The following NXPH2 variants were observed in gnomAD, a reference collection of about 807,000 sequenced individuals.
NXPH2 encodes neurexophilin 2, also known as neurexophilin-2.
Under a neutral mutation model 19.8 loss-of-function variants are expected in NXPH2, and 5 were observed. The ratio of observed to expected loss-of-function variants is 0.25; its 90% CI spans 0.13 to 0.53. The LOEUF (loss-of-function observed/expected upper bound fraction) is 0.53. Ranked by LOEUF, NXPH2 falls within the 20% of genes least tolerant of loss-of-function variation. The pLI is 0.96. For synonymous variants in NXPH2, 154 were observed against 127.4 expected (o/e 1.21, Z -1.41); for missense variants, 289 against 322.8 (o/e 0.90, Z 0.80).
At chr2:138,772,104 C>T (rs754787794) in intron 1 of NXPH2, among the ~76,000 whole-genome samples, 1 of 152,008 alleles carries the variant, frequency 6.6e-6, no homozygotes, top group Non-Finnish European at 1.5e-5. Context: ...TTTAGCAGCC[C>T]GTGAACCCAC....
intron 1 of NXPH2, among the ~76,000 whole-genome samples, chr2:138,707,112 A>AAAAAC (rs1253153546): frequency 6.7e-6 from 1 of 148,610 alleles, no homozygotes. Context: ...AAAAAAAAAA[A>AAAAAC]GAGCAAGAAG....
intron 1 of NXPH2, among the ~76,000 whole-genome samples, chr2:138,741,972 T>C (rs1681650155): frequency 6.6e-6 from 1 of 152,218 alleles, no homozygotes; most frequent in African/African-American, 2.4e-5. Flanking sequence ...AAATTGAGCA[T>C]ATTGCTCTCT....
chr2:138,724,353 A>G (rs554730082), intron 1 of NXPH2, among the ~76,000 whole-genome samples: 2 of 152,370 alleles, frequency 1.3e-5, no homozygotes, highest in South Asian at 2.1e-4. Flanking sequence ...TCTGCCAATC[A>G]GTATCATGTC....
At position 138,679,916 on chromosome 2, in the gene NXPH2, T is replaced by C. The variant is rs72986856; in HGVS notation, c.52-8251A>G. On this transcript the variant is annotated intron_variant, in intron 1 of 1. Coordinates refer to ENST00000272641, the MANE Select transcript of NXPH2 (RefSeq NM_007226.3). ...ATTCTAACATTGTACTGGCTAATCA[T>C]TGGACTGAGAAGAAAAAGTGGAGTG... Among the ~76,000 whole-genome samples the C allele has an allele frequency of 3.5e-3, 533 of 152,256 alleles. 3 individuals carry two copies. The highest frequency in any genetic ancestry group is 8.6e-3 in the African/African-American group (359 of 41,540).
intron 1 of NXPH2, among the ~76,000 whole-genome samples, chr2:138,678,983 C>T (rs1484893486): frequency 1.3e-5 from 2 of 152,072 alleles, no homozygotes; most frequent in Non-Finnish European, 2.9e-5. Context: ...GACACAAACG[C>T]TACTTGGTTT....
intron 1 of NXPH2, among the ~76,000 whole-genome samples, chr2:138,739,854 G>A (rs1681615969): frequency 6.6e-6 from 1 of 152,108 alleles, no homozygotes; most frequent in African/African-American, 2.4e-5. Flanking sequence ...GCATTGTACA[G>A]AATGAATTAA....
intron 1 of NXPH2, among the ~76,000 whole-genome samples, chr2:138,724,416 G>T (rs1681326289): frequency 6.6e-6 from 1 of 152,222 alleles, no homozygotes; most frequent in Admixed American, 6.5e-5. Flanking sequence ...ACTCAGGTCT[G>T]ATCACCAAAC....
At chr2:138,685,988 T>C (rs1680644940) in intron 1 of NXPH2, among the ~76,000 whole-genome samples, 1 of 152,322 alleles carries the variant, frequency 6.6e-6, no homozygotes, top group Admixed American at 6.5e-5. Context: ...GCCCCTCTTA[T>C]GATGTCTGAT....
At chr2:138,774,075 C>A (rs578239159) in intron 1 of NXPH2, among the ~76,000 whole-genome samples, 14 of 152,286 alleles carry the variant, frequency 9.2e-5, no homozygotes, top group Admixed American at 6.5e-5. Context: ...TATTCAGGCA[C>A]ACAAAAGTCA....
chr2:138,673,388 A>T (rs1366040837), intron 1 of NXPH2, among the ~76,000 whole-genome samples: 1 of 152,160 alleles, frequency 6.6e-6, no homozygotes, highest in Non-Finnish European at 1.5e-5. Context: ...TCTTATTGGT[A>T]TATAATATTT....
intron 1 of NXPH2, among the ~76,000 whole-genome samples, chr2:138,691,889 C>T (rs1398253573): frequency 6.6e-6 from 1 of 152,184 alleles, no homozygotes; most frequent in Non-Finnish European, 1.5e-5. Context: ...AACCAGCCAA[C>T]TAAGCCCTAT....
intron 1 of NXPH2, among the ~76,000 whole-genome samples, chr2:138,754,096 A>G (rs1681865345): frequency 6.6e-6 from 1 of 151,998 alleles, no homozygotes; most frequent in African/African-American, 2.4e-5. Context: ...AGCCTCCCAA[A>G]TACCTGGGAC....
chr2:138,760,552 G>C (rs1681994817), intron 1 of NXPH2, among the ~76,000 whole-genome samples: 1 of 152,184 alleles, frequency 6.6e-6, no homozygotes, highest in Admixed American at 6.5e-5. Flanking sequence ...AACGTGTGTA[G>C]AGGATTTTCT....
At chr2:138,683,511 C>T (rs568207868) in intron 1 of NXPH2, among the ~76,000 whole-genome samples, 9 of 152,058 alleles carry the variant, frequency 5.9e-5, no homozygotes, top group Admixed American at 2.0e-4. Context: ...AAGACACACG[C>T]GGTGTGGGTT....
At chr2:138,697,121 T>G (rs1680840087) in intron 1 of NXPH2, among the ~76,000 whole-genome samples, 1 of 152,134 alleles carries the variant, frequency 6.6e-6, no homozygotes, top group Non-Finnish European at 1.5e-5. Context: ...AACTCTAGAA[T>G]AGGCAAAACT....
chr2:138,729,820 T>A (rs991423127), intron 1 of NXPH2, among the ~76,000 whole-genome samples: 2 of 152,226 alleles, frequency 1.3e-5, no homozygotes, highest in African/African-American at 2.4e-5. Flanking sequence ...TAAGGGCTTA[T>A]GACTCCCGTT....
chr2:138,778,240 G>A (rs1682296529), intron 1 of NXPH2, among the ~76,000 whole-genome samples: 1 of 152,200 alleles, frequency 6.6e-6, no homozygotes, highest in South Asian at 2.1e-4. Context: ...CTTATCAACA[G>A]GGCTGCAGCT....
At chr2:138,731,497 C>G (rs985040316) in intron 1 of NXPH2, among the ~76,000 whole-genome samples, 2 of 152,062 alleles carry the variant, frequency 1.3e-5, no homozygotes, top group Non-Finnish European at 2.9e-5. Flanking sequence ...CATCATCTCT[C>G]TGGGCTTTGA....
chr2:138,694,615 A>G (rs1025585360), intron 1 of NXPH2, among the ~76,000 whole-genome samples: 5 of 152,158 alleles, frequency 3.3e-5, no homozygotes, highest in African/African-American at 1.2e-4. Flanking sequence ...TTTCAAACTT[A>G]TAGCTTGCAG....
Sources: allele counts gnomAD v4.1 joint callset (sites outside exome capture counted in the v4.1 genomes callset), GRCh38; gene constraint gnomAD v4.1.1; transcripts MANE v1.5; gene names NCBI Gene and HGNC (gene_info 2026-07-23, HGNC 2026-07-21).